Variants in HMGXB3 observed in about 807,000 individuals in gnomAD.
HMGXB3 encodes HMG-box containing 3.
HMGXB3 carries 45 observed loss-of-function variants against 121.5 expected under a neutral mutation model. That is an observed-to-expected ratio of 0.37 (90% CI 0.29 to 0.47). The LOEUF (loss-of-function observed/expected upper bound fraction) is 0.47. Among genes scored for constraint, HMGXB3 ranks in the 20% least tolerant of loss-of-function variants. The pLI is 0.99. For synonymous variants in HMGXB3, 590 were observed against 624.1 expected (o/e 0.95, Z 0.81); for missense variants, 1,376 against 1,602.2 (o/e 0.86, Z 2.41).
intron 7 of HMGXB3, among the ~76,000 whole-genome samples, chr5:150,026,088 C>T (rs897672739): frequency 6.6e-6 from 1 of 152,186 alleles, no homozygotes; most frequent in African/African-American, 2.4e-5. Context: ...CCTTGGCCTC[C>T]CAAAGTGCTG....
Position 150,006,490 on chromosome 5 carries a change from A to G in HMGXB3, c.155A>G (p.Tyr52Cys). The G allele has an allele frequency of 6.4e-7, 1 of 1,551,724 alleles. No individual in the cohort carries two copies. Among genetic ancestry groups the G allele is most frequent in the Non-Finnish European group, 8.7e-7 (1 of 1,146,988 alleles). ...TKKPRSAYLL[Y>C]YYDIYLKVQQ... Reference sequence around the variant, plus strand: ...TTCCTCAGGTCTGCTTACCTTCTGTACTATTACGACATCTACCTGAAAGTG... The same window carrying G: ...TTCCTCAGGTCTGCTTACCTTCTGTGCTATTACGACATCTACCTGAAAGTG... Residue 52 changes from tyrosine (Y) to cysteine (C), a missense_variant, in exon 3 of 20, where the codon TAC (tyrosine) becomes TGC (cysteine). Tyr to Cys is a radical substitution (Grantham distance 194). Around this residue, in one of 2 missense-constraint regions of HMGXB3, gnomAD observed 1,116 missense variants for 1,369.0 expected, o/e 0.82. Coordinates refer to ENST00000502717, the MANE Select transcript of HMGXB3 (RefSeq NM_014983.3).
chr5:150,026,735 C>G lies in HMGXB3; in HGVS notation c.1490C>G (p.Ala497Gly). 1 of 1,551,264 alleles carries G rather than the reference C, an allele frequency of 6.4e-7. No homozygotes were observed. The change falls in exon 8 of 20, where the codon GCT (alanine) becomes GGT (glycine). Residue 497 changes from alanine to glycine, a missense_variant. Physicochemically the swap from Ala to Gly is moderately conservative, Grantham distance 60 (BLOSUM62 0). Coordinates refer to ENST00000502717, the MANE Select transcript of HMGXB3 (RefSeq NM_014983.3). ...GACCTGCTTACCCCTGGGTCCAGAG[C>G]TCCAGAGCTTAAAGGCAGAGCACGG... ...GADLLTPGSR[A>G]PELKGRARGK...
chr5:150,012,522 G>A (rs990235475), intron 5 of HMGXB3, among the ~76,000 whole-genome samples, 169 bp downstream of exon 5: 1 of 152,234 alleles, frequency 6.6e-6, no homozygotes, highest in African/African-American at 2.4e-5. Context: ...CAGGGATTAT[G>A]TGGTCCATAT....
intron 17 of HMGXB3, 40 bp from the exon 18 acceptor site, chr5:150,048,529 C>T (rs1025352889): frequency 7.4e-7 from 1 of 1,346,192 alleles, no homozygotes; most frequent in African/African-American, 1.4e-5. Context: ...GGTCCCTTAG[C>T]ATTCGCCCTT....
intron 19 of HMGXB3, among the ~76,000 whole-genome samples, chr5:150,051,492 CAAT>C (rs1220583231): frequency 1.3e-5 from 2 of 152,250 alleles, no homozygotes; most frequent in East Asian, 3.9e-4. Flanking sequence ...GGACCGGGGG[CAAT>C]AATAGCATAA....
chr5:150,033,022 C>T (rs992000151), intron 11 of HMGXB3, among the ~76,000 whole-genome samples: 8 of 152,310 alleles, frequency 5.3e-5, no homozygotes, highest in Middle Eastern at 3.4e-3. Context: ...TCTCAGGCTC[C>T]TTGGAAAGCT....
chr5:150,011,593 G>GT (rs1171079716), intron 4 of HMGXB3, among the ~76,000 whole-genome samples: 3 of 134,120 alleles, frequency 2.2e-5, no homozygotes, highest in Non-Finnish European at 3.0e-5. Flanking sequence ...GTTGTTGGTT[G>GT]TTTTTTTTTG....
intron 1 of HMGXB3, among the ~76,000 whole-genome samples, chr5:150,003,508 G>A (rs1003193921): frequency 1.3e-5 from 2 of 152,086 alleles, no homozygotes. Flanking sequence ...ACTTTGGGAG[G>A]CTGAGGTAAG....
intron 11 of HMGXB3, 35 bp from the exon 12 acceptor site, chr5:150,036,601 C>CT: frequency 6.7e-7 from 1 of 1,489,360 alleles, no homozygotes; most frequent in South Asian, 1.4e-5. Context: ...TCTTTCTGCT[C>CT]TGAGTGCTTG....
chr5:150,037,621 C>T (rs1215189554), intron 13 of HMGXB3, 94 bp downstream of exon 13: 3 of 1,125,460 alleles, frequency 2.7e-6, no homozygotes, highest in Non-Finnish European at 3.5e-6. Flanking sequence ...AGGACTGGGC[C>T]TTCTCAGATG....
chr5:150,047,577 G>C, intron 16 of HMGXB3, 47 bp from the exon 17 acceptor site: 1 of 1,549,396 alleles, frequency 6.5e-7, no homozygotes, highest in Non-Finnish European at 8.7e-7. Flanking sequence ...CTTGGCCTCT[G>C]GTGACTGGCG....
chr5:150,046,761 G>A (rs1473812894), intron 16 of HMGXB3, among the ~76,000 whole-genome samples: 1 of 151,948 alleles, frequency 6.6e-6, no homozygotes, highest in African/African-American at 2.4e-5. Context: ...GCAGTGAGCC[G>A]AGATCGCGCC....
chr5:150,028,561 T>TATATATATA (rs1554099010), intron 9 of HMGXB3, among the ~76,000 whole-genome samples: 2 of 15,290 alleles, frequency 1.3e-4, no homozygotes, highest in African/African-American at 4.3e-4. Context: ...ATATATATAT[T>TATATATATA]TTTTTTTTTT....
chr5:150,031,103 A>AGG (rs1260306475), intron 10 of HMGXB3, among the ~76,000 whole-genome samples: 1 of 152,222 alleles, frequency 6.6e-6, no homozygotes, highest in Non-Finnish European at 1.5e-5. Flanking sequence ...GAGAGTTGCC[A>AGG]GAGATGAGAA....
chr5:150,024,598 G>T lies in HMGXB3; in HGVS notation c.1378G>T (p.Asp460Tyr). Residue 460 changes from aspartate (D) to tyrosine (Y), a missense_variant, in exon 7 of 20, where the codon GAC (aspartate) becomes TAC (tyrosine). Physicochemically the swap from Asp to Tyr is radical, Grantham distance 160. This residue lies in a region of HMGXB3 where 1,116 missense variants were observed against 1,369.0 expected (regional missense o/e 0.82). Coordinates refer to ENST00000502717, the MANE Select transcript of HMGXB3 (RefSeq NM_014983.3). Reference protein sequence around the residue: ...PEVTLGTTDNDSPGADVPTPS... With the variant: ...PEVTLGTTDNYSPGADVPTPS... ...GGTCACTCTGGGGACAACTGACAAT[G>T]ACAGTCCTGGAGCAGACGTACCAAC... The T allele has an allele frequency of 6.4e-7, 1 of 1,551,762 alleles. No homozygotes were observed.
chr5:150,026,163 A>G (rs1366161131), intron 7 of HMGXB3, among the ~76,000 whole-genome samples: 5 of 152,120 alleles, frequency 3.3e-5, no homozygotes, highest in Non-Finnish European at 7.4e-5. Flanking sequence ...ATCATGTAGC[A>G]ATATACTTTG....
rs115788665 is a variant in HMGXB3 at position 150,028,714 on chromosome 5, G to C, written c.1734+1597G>C. Among the ~76,000 whole-genome samples the C allele has an allele frequency of 1.0e-2, 1,504 of 150,512 alleles. 12 individuals carry two copies. Among genetic ancestry groups the C allele is most frequent in the Non-Finnish European group, 0.015 (1,034 of 67,658 alleles). On this transcript the variant is annotated intron_variant, in intron 9 of 19. Coordinates refer to ENST00000502717, the MANE Select transcript of HMGXB3 (RefSeq NM_014983.3). ...CCTGAGTAGCTGGGTACACAGGCAGGCACCACCATACCAAGCTAATTTTTA... is the reference window on the plus strand; with the variant it reads ...CCTGAGTAGCTGGGTACACAGGCAGCCACCACCATACCAAGCTAATTTTTA...
In HMGXB3 at chr5:150,037,468, T is replaced by G. The variant is rs1581262347; in HGVS notation, c.2354T>G (p.Val785Gly). The part of the protein sequence containing the change: ...ASRLQTVTAQ[V>G]KMCLNPHCLA... ...CGTCTGCAGACAGTGACTGCCCAGG[T>G]GAAGATGTGTCTGAACCCCCATTGT... Residue 785 changes from valine (V) to glycine (G), a missense_variant, in exon 13 of 20, where the codon GTG (valine) becomes GGG (glycine). Physicochemically the swap from Val to Gly is moderately radical, Grantham distance 109. Transcript: ENST00000502717. 1.9e-6 allele frequency: 3 copies of G among 1,551,392 alleles called. No individual in the cohort carries two copies. Among genetic ancestry groups the G allele is most frequent in the Non-Finnish European group, 1.7e-6 (2 of 1,146,822 alleles).
chr5:150,037,467 G>A lies in HMGXB3; in HGVS notation c.2353G>A (p.Val785Met), dbSNP rs1442773042. ...CCGTCTGCAGACAGTGACTGCCCAG[G>A]TGAAGATGTGTCTGAACCCCCATTG... ...ASRLQTVTAQ[V>M]KMCLNPHCLA... The change falls in exon 13 of 20, where the codon GTG becomes ATG. Residue 785 changes from valine to methionine, a missense_variant. Physicochemically the swap from Val to Met is conservative, Grantham distance 21. This residue lies in a region of HMGXB3 where 1,116 missense variants were observed against 1,369.0 expected (regional missense o/e 0.82). Coordinates refer to ENST00000502717, the MANE Select transcript of HMGXB3 (RefSeq NM_014983.3). 3.2e-6 allele frequency: 5 copies of A among 1,551,358 alleles called. No homozygotes were observed. The African/African-American group carries it at 6.8e-5, about 21-fold the overall frequency.
Sources: gnomAD v4.1 joint callset for allele counts (sites outside exome capture counted in the v4.1 genomes callset) on GRCh38, gnomAD v4.1.1 for gene constraint, gnomAD v4.1.1 regional missense constraint, MANE v1.5 for transcripts, NCBI Gene and HGNC (gene_info 2026-07-23, HGNC 2026-07-21) for gene names.